The following NOS1 variants were observed in gnomAD, a reference collection of about 807,000 sequenced individuals.
NOS1 encodes the protein NOS type I.
In NOS1, 51 loss-of-function variants were observed where a neutral mutation model predicts 164.5. The observed-to-expected ratio is 0.31, with a 90% CI of 0.25 to 0.39. The LOEUF (loss-of-function observed/expected upper bound fraction) is 0.39. NOS1 is among the 10% of genes least tolerant of loss of function. The pLI, the probability that NOS1 is intolerant of heterozygous loss-of-function variation, is 1.00. For synonymous variants in NOS1, 719 were observed against 745.8 expected (o/e 0.96, Z 0.59); for missense variants, 1,362 against 1,885.6 (o/e 0.72, Z 5.14).
chr12:117,225,894 G>A (rs533926591), intron 24 of NOS1, among the ~76,000 whole-genome samples: 1 of 152,308 alleles, frequency 6.6e-6, no homozygotes, highest in South Asian at 2.1e-4. Context: ...CTCCAAAAGT[G>A]TTGGGATTAC....
intron 3 of NOS1, among the ~76,000 whole-genome samples, chr12:117,296,787 A>T (rs1343361839): frequency 6.6e-6 from 1 of 152,224 alleles, no homozygotes; most frequent in Non-Finnish European, 1.5e-5. Flanking sequence ...AATGAAGGTT[A>T]AACAAGATCA....
intron 3 of NOS1, among the ~76,000 whole-genome samples, chr12:117,293,364 T>C (rs1873187683): frequency 6.6e-6 from 1 of 152,270 alleles, no homozygotes; most frequent in South Asian, 2.1e-4. Context: ...GTGGGAGCTA[T>C]CTTAATCATC....
intron 3 of NOS1, among the ~76,000 whole-genome samples, chr12:117,291,036 A>G (rs1873022780): frequency 1.3e-5 from 2 of 152,054 alleles, no homozygotes; most frequent in African/African-American, 4.8e-5. Context: ...AACTTGGTGA[A>G]ACCTTGTCTC....
intron 8 of NOS1, 80 bp downstream of exon 8, chr12:117,280,645 G>A (rs1396534750): frequency 2.8e-6 from 4 of 1,424,992 alleles, no homozygotes; most frequent in Non-Finnish European, 3.8e-6. Flanking sequence ...TGTGATGATA[G>A]CATTAAGCCC....
At chr12:117,283,583 G>T (rs1362712164) in intron 7 of NOS1, among the ~76,000 whole-genome samples, 3 of 152,110 alleles carry the variant, frequency 2.0e-5, no homozygotes, top group African/African-American at 7.2e-5. Context: ...GAGACTAGGC[G>T]TGGTGGCTCA....
chr12:117,270,363 G>T (rs1872704893), intron 10 of NOS1, among the ~76,000 whole-genome samples: 1 of 152,098 alleles, frequency 6.6e-6, no homozygotes, highest in African/African-American at 2.4e-5. Context: ...CAGTTACCCA[G>T]AGACTACTCT....
At chr12:117,359,115 T>C (rs1400610842) in intron 1 of NOS1, among the ~76,000 whole-genome samples, 3 of 152,244 alleles carry the variant, frequency 2.0e-5, no homozygotes, top group African/African-American at 7.2e-5. Flanking sequence ...ATAATACGTG[T>C]GACAGTGCCT....
At chr12:117,305,724 T>C (rs1874107050) in intron 3 of NOS1, among the ~76,000 whole-genome samples, 1 of 152,000 alleles carries the variant, frequency 6.6e-6, no homozygotes, top group Non-Finnish European at 1.5e-5. Context: ...ACAGCTCTAT[T>C]TCTGAGAGGC....
intron 17 of NOS1, among the ~76,000 whole-genome samples, chr12:117,252,197 G>A (rs1871152759): frequency 6.6e-6 from 1 of 152,160 alleles, no homozygotes; most frequent in Non-Finnish European, 1.5e-5. Context: ...TAACAATTAA[G>A]CATACTTTAA....
chr12:117,254,011 G>A (rs1871271425), intron 16 of NOS1, among the ~76,000 whole-genome samples: 1 of 151,840 alleles, frequency 6.6e-6, no homozygotes, highest in Non-Finnish European at 1.5e-5. Context: ...GGAAACCTGA[G>A]ACCCATAAAG....
chr12:117,242,439 T>C (rs952956620), intron 20 of NOS1, among the ~76,000 whole-genome samples, 188 bp downstream of exon 20: 1 of 152,132 alleles, frequency 6.6e-6, no homozygotes, highest in Non-Finnish European at 1.5e-5. Flanking sequence ...CTTTTTCCAC[T>C]CCTTCAGGTT....
At chr12:117,318,032 C>A (rs1051938892) in intron 2 of NOS1, among the ~76,000 whole-genome samples, 15 of 152,222 alleles carry the variant, frequency 9.9e-5, no homozygotes, top group Non-Finnish European at 1.5e-5. Context: ...ATTAGCTGAG[C>A]GTGGTGGCAC....
intron 28 of NOS1, among the ~76,000 whole-genome samples, chr12:117,215,579 C>G (rs928635807): frequency 4.6e-5 from 7 of 151,946 alleles, no homozygotes; most frequent in Non-Finnish European, 7.4e-5. Flanking sequence ...ATTACAGGTG[C>G]CTGCCACCAC....
rs2135914908 is a variant in NOS1, at chr12:117,215,242, G to A, written c.*67C>T. On this transcript the variant is annotated 3_prime_UTR_variant, in exon 29 of 29. Coordinates refer to ENST00000317775, the MANE Select transcript of NOS1 (RefSeq NM_000620.5). Reference sequence around the variant, plus strand: ...AGAGCGAGGGCCACAGGGGGTCCCAGAGGAAAGGTTCAGCAGTGTCTGTCC... The same window carrying A: ...AGAGCGAGGGCCACAGGGGGTCCCAAAGGAAAGGTTCAGCAGTGTCTGTCC... 1 of 1,435,850 alleles carries A rather than the reference G, an allele frequency of 7.0e-7. No individual in the cohort carries two copies. Among genetic ancestry groups the A allele is most frequent in the Non-Finnish European group, 9.2e-7 (1 of 1,085,662 alleles). The allele number at this position is 1,435,850 out of a possible 1,614,324, so 88.9% of individuals were successfully genotyped here. A position where few individuals can be genotyped will look rare whatever the true frequency, so the allele number is the denominator to read the frequency against.
Position 117,209,740 on chromosome 12 carries a change from G to A in NOS1, c.*5569C>T. ...CTTTCCACGGGTGAAAGTGTACCTG[G>A]GTCCTTACATTTGGGGAAGGGCAGC... On this transcript the variant is annotated 3_prime_UTR_variant, in exon 29 of 29. Transcript: ENST00000317775. 1.0e-6 allele frequency: 1 copy of A among 985,500 alleles called. No homozygotes were observed. The allele number at this position is 985,500 out of a possible 1,614,324, so 61.0% of individuals were successfully genotyped here. A position where few individuals can be genotyped will look rare whatever the true frequency, so the allele number is the denominator to read the frequency against.
intron 3 of NOS1, among the ~76,000 whole-genome samples, chr12:117,295,622 T>TC (rs1446137765): frequency 1.4e-5 from 2 of 145,790 alleles, no homozygotes; most frequent in Admixed American, 1.4e-4. Context: ...ATTCTTTTTT[T>TC]TTTTTTTTTT....
chr12:117,318,513 C>T (rs763178603), intron 2 of NOS1, among the ~76,000 whole-genome samples: 12 of 152,208 alleles, frequency 7.9e-5, no homozygotes, highest in African/African-American at 1.9e-4. Context: ...TGATCATACC[C>T]AAGCCAAAAG....
chr12:117,346,366 G>C (rs1313066980), intron 1 of NOS1, among the ~76,000 whole-genome samples: 1 of 152,188 alleles, frequency 6.6e-6, no homozygotes, highest in African/African-American at 2.4e-5. Context: ...AGTTACTCAG[G>C]AGGCTGAGGC....
chr12:117,265,339 G>A lies in NOS1; in HGVS notation c.2113C>T (p.Leu705Phe). ...ACCTGGTATTCGAAGGAGGGGGTGA[G>A]CCGGTAGTTGAGCATCTCCTGGTGG... Reference protein sequence around the residue: ...VFHQEMLNYRLTPSFEYQPDP... With the variant: ...VFHQEMLNYRFTPSFEYQPDP... Residue 705 changes from leucine (L) to phenylalanine (F), a missense_variant, in exon 12 of 29, where the codon CTC (leucine) becomes TTC (phenylalanine). Physicochemically the swap from Leu to Phe is conservative, Grantham distance 22. Around this residue, in one of 4 missense-constraint regions of NOS1, gnomAD observed 737 missense variants for 1,030.3 expected, o/e 0.72. Transcript: ENST00000317775. The A allele has an allele frequency of 6.4e-7, 1 of 1,558,308 alleles. No individual in the cohort carries two copies. Among genetic ancestry groups the A allele is most frequent in the Non-Finnish European group, 8.7e-7 (1 of 1,146,176 alleles).
Sources: gnomAD v4.1 joint callset for allele counts (sites outside exome capture counted in the v4.1 genomes callset) on GRCh38, gnomAD v4.1.1 for gene constraint, gnomAD v4.1.1 regional missense constraint, MANE v1.5 for transcripts, NCBI Gene and HGNC (gene_info 2026-07-23, HGNC 2026-07-21) for gene names.